Variants in NETO2 observed in about 807,000 individuals in gnomAD.
The protein encoded by NETO2 is neuropilin and tolloid-like protein 2.
In NETO2, 28 loss-of-function variants were observed where a neutral mutation model predicts 62.5. That is an observed-to-expected ratio of 0.45 (90% CI 0.33 to 0.61). NETO2 has a LOEUF of 0.61. Among genes scored for constraint, NETO2 ranks in the 20% least tolerant of loss-of-function variants. NETO2 has a pLI of 0.02. For missense variants in NETO2, 548 were observed against 643.2 expected (o/e 0.85, Z 1.60); for synonymous variants, 214 against 219.1 (o/e 0.98, Z 0.21).
At chr16:47,086,030 C>T (rs578133602) in intron 8 of NETO2, among the ~76,000 whole-genome samples, 196 bp downstream of exon 8, 18 of 152,188 alleles carry the variant, frequency 1.2e-4, no homozygotes, top group East Asian at 3.9e-4. Context: ...GGTGTGAACC[C>T]GGGAGGCGGA....
intron 1 of NETO2, among the ~76,000 whole-genome samples, chr16:47,132,706 C>T (rs1347069522): frequency 6.6e-6 from 1 of 152,204 alleles, no homozygotes; most frequent in Non-Finnish European, 1.5e-5. Context: ...TCAAAGGAAA[C>T]CACACTGCCA....
Position 47,133,392 on chromosome 16 carries a change from G to T in NETO2, c.35-1367C>A, listed in dbSNP as rs1373988209. 2.0e-5 allele frequency among the ~76,000 whole-genome samples: 3 copies of T among 148,438 alleles called. No individual in the cohort carries two copies. In the East Asian group the frequency reaches 5.9e-4, roughly 29 times the overall value. On this transcript the variant is annotated intron_variant, in intron 1 of 8. Transcript: ENST00000562435. ...GGAGTTCCAGAGGCCCTGTCTCTACGGAAAAAAAAAAAAAAATTAGCCAGG... is the reference window on the plus strand; with the variant it reads ...GGAGTTCCAGAGGCCCTGTCTCTACTGAAAAAAAAAAAAAAATTAGCCAGG...
intron 1 of NETO2, among the ~76,000 whole-genome samples, chr16:47,141,986 G>T (rs922191557): frequency 1.3e-5 from 2 of 152,162 alleles, no homozygotes; most frequent in African/African-American, 4.8e-5. Flanking sequence ...CAGGTAAAGC[G>T]GTGTGACAGA....
chr16:47,110,617 T>C (rs1338739594), intron 6 of NETO2, among the ~76,000 whole-genome samples: 1 of 152,194 alleles, frequency 6.6e-6, no homozygotes. Flanking sequence ...GTTTGGGCTC[T>C]AGTTTCTCAT....
chr16:47,103,458 C>G (rs944402823), intron 7 of NETO2, among the ~76,000 whole-genome samples: 3 of 152,040 alleles, frequency 2.0e-5, no homozygotes, highest in Non-Finnish European at 4.4e-5. Flanking sequence ...AAAATTAACA[C>G]TAATCCTCAA....
chr16:47,096,576 C>G (rs1567382371), intron 7 of NETO2, among the ~76,000 whole-genome samples: 1 of 152,148 alleles, frequency 6.6e-6, no homozygotes. Flanking sequence ...AACACACAAT[C>G]AAAACTGCAT....
chr16:47,127,900 C>A (rs1315554781), intron 4 of NETO2, among the ~76,000 whole-genome samples: 2 of 152,168 alleles, frequency 1.3e-5, no homozygotes, highest in African/African-American at 4.8e-5. Context: ...CTTTCTATTG[C>A]TCAATATATT....
Position 47,109,466 on chromosome 16 carries a change from A to G in NETO2, c.883+17T>C. The G allele has an allele frequency of 6.4e-7, 1 of 1,571,558 alleles. No individual in the cohort carries two copies. The highest frequency in any genetic ancestry group is 8.8e-7 in the Non-Finnish European group (1 of 1,141,594). On this transcript the variant is annotated intron_variant, in intron 7 of 8. Coordinates refer to ENST00000562435, the MANE Select transcript of NETO2 (RefSeq NM_018092.5). Reference sequence around the variant, plus strand: ...AATATGTAAAAGATCTCAATACTATAGGAATTATTTACTTACGCTCCACAA... The same window carrying G: ...AATATGTAAAAGATCTCAATACTATGGGAATTATTTACTTACGCTCCACAA...
At chr16:47,106,054 A>T (rs1335362693) in intron 7 of NETO2, among the ~76,000 whole-genome samples, 1 of 152,236 alleles carries the variant, frequency 6.6e-6, no homozygotes, top group Non-Finnish European at 1.5e-5. Context: ...TGTGGCATTT[A>T]CTTATGGAAT....
rs201675106 is a variant in NETO2 at position 47,083,462 on chromosome 16, C to T, written c.1337G>A (p.Ser446Asn). The change falls in exon 9 of 9, where the codon AGC (serine) becomes AAC (asparagine). Residue 446 changes from serine to asparagine, a missense_variant. By Grantham distance (46) the Ser-to-Asn change is conservative. Coordinates refer to ENST00000562435, the MANE Select transcript of NETO2 (RefSeq NM_018092.5). Reference protein sequence around the residue: ...HDHHCGSQASSVKQSRTNLSS... With the variant: ...HDHHCGSQASNVKQSRTNLSS... ...GAGGTTGGTCCTGCTTTGTTTGACG[C>T]TGGAGGCCTGCGACCCACAGTGGTG... is the stretch of plus-strand genomic sequence containing the variant. The T allele has an allele frequency of 1.2e-5, 20 of 1,614,192 alleles. No homozygotes were observed. The East Asian group carries it at 3.1e-4, about 25-fold the overall frequency.
At chr16:47,142,525 A>C (rs1964480884) in intron 1 of NETO2, among the ~76,000 whole-genome samples, 1 of 152,236 alleles carries the variant, frequency 6.6e-6, no homozygotes, top group South Asian at 2.1e-4. Flanking sequence ...TACAGTGCTG[A>C]GTTATACATA....
intron 6 of NETO2, among the ~76,000 whole-genome samples, chr16:47,116,164 A>T (rs1963918054): frequency 6.9e-6 from 1 of 145,074 alleles, no homozygotes. Flanking sequence ...TTTTTCTAAG[A>T]GACAGGCTCT....
At chr16:47,121,396 G>T (rs189912019) in intron 6 of NETO2, among the ~76,000 whole-genome samples, 5 of 152,260 alleles carry the variant, frequency 3.3e-5, no homozygotes, top group East Asian at 1.9e-4. Context: ...TGACTCAAAG[G>T]TTTAATGCAC....
intron 6 of NETO2, among the ~76,000 whole-genome samples, chr16:47,111,724 C>T (rs928432045): frequency 3.3e-5 from 5 of 152,142 alleles, no homozygotes; most frequent in African/African-American, 7.2e-5. Context: ...TCTGCAGATG[C>T]GAACTTTCCC....
chr16:47,104,666 C>T lies in NETO2; in HGVS notation c.883+4817G>A, dbSNP rs969689605. Among the ~76,000 whole-genome samples, 7 of 152,158 alleles carry T rather than the reference C, an allele frequency of 4.6e-5. No homozygotes were observed. In the South Asian group the frequency reaches 1.4e-3, roughly 32 times the overall value. On this transcript the variant is annotated intron_variant, in intron 7 of 8. Coordinates refer to ENST00000562435, the MANE Select transcript of NETO2 (RefSeq NM_018092.5). ...CAGTTATCAAAACAGTTGCTACTGG[C>T]ATAACAACAGACATATAGACCAATG...
chr16:47,141,653 T>C (rs369955227), intron 1 of NETO2, among the ~76,000 whole-genome samples: 1 of 152,308 alleles, frequency 6.6e-6, no homozygotes, highest in South Asian at 2.1e-4. Flanking sequence ...AAAAATAACT[T>C]GCTTTCTCTC....
intron 7 of NETO2, among the ~76,000 whole-genome samples, chr16:47,098,077 T>G (rs1963464727): frequency 6.6e-6 from 1 of 152,044 alleles, no homozygotes; most frequent in Non-Finnish European, 1.5e-5. Context: ...GAAAAAACAC[T>G]GCAAAAAGCC....
At chr16:47,139,939 A>G (rs1408849516) in intron 1 of NETO2, among the ~76,000 whole-genome samples, 1 of 152,222 alleles carries the variant, frequency 6.6e-6, no homozygotes, top group Admixed American at 6.5e-5. Flanking sequence ...TATTTGAAAG[A>G]CTACTTGGTA....
chr16:47,124,914 T>A (rs1164730508), intron 4 of NETO2, among the ~76,000 whole-genome samples: 1 of 152,216 alleles, frequency 6.6e-6, no homozygotes, highest in African/African-American at 2.4e-5. Context: ...CCTAAGCATT[T>A]TATTATACTT....
Sources: allele counts gnomAD v4.1 joint callset (sites outside exome capture counted in the v4.1 genomes callset), GRCh38; gene constraint gnomAD v4.1.1; transcripts MANE v1.5; gene names NCBI Gene and HGNC (gene_info 2026-07-23, HGNC 2026-07-21).